Variants in INTS6L observed in about 807,000 individuals in gnomAD.
INTS6L encodes the protein integrator complex subunit 6-like.
INTS6L carries 18 observed loss-of-function variants against 64.7 expected under a neutral mutation model. The ratio of observed to expected loss-of-function variants is 0.28; its 90% CI spans 0.19 to 0.41. INTS6L has a LOEUF of 0.41. INTS6L is among the 10% of genes least tolerant of loss of function. The pLI is 1.00. For missense variants in INTS6L, 533 were observed against 661.0 expected, an observed-to-expected ratio of 0.81 and a Z score of 2.12; for synonymous variants, 227 against 235.9, an observed-to-expected ratio of 0.96 and a Z score of 0.34.
At chrX:135,529,462 CA>C (rs1160082061) in intron 2 of INTS6L, among the ~76,000 whole-genome samples, 1 of 111,837 alleles carries the variant, frequency 8.9e-6, no homozygotes, top group Non-Finnish European at 1.9e-5. Context: ...TTACTTCTGA[CA>C]GTCGTTAACT....
intron 8 of INTS6L, among the ~76,000 whole-genome samples, chrX:135,555,168 C>T (rs2086617511): frequency 9.0e-6 from 1 of 111,410 alleles, no homozygotes; most frequent in South Asian, 3.7e-4. Context: ...GGATTATAGG[C>T]GTGAGCCACC....
At position 135,579,905 on chromosome X, in the gene INTS6L, T is replaced by C; in HGVS notation, c.2237T>C (p.Met746Thr). ...CTTATAAATATGACAGGAGATCTTA[T>C]GCCACCCAACCAAGTGGATTCTCTG... ...SELINMTGDLMPPNQVDSLSD... is the reference protein window; with the variant it reads ...SELINMTGDLTPPNQVDSLSD... Residue 746 changes from methionine to threonine, a missense_variant, in exon 16 of 18, where the codon ATG (methionine) becomes ACG (threonine). Coordinates refer to ENST00000639893, the MANE Select transcript of INTS6L (RefSeq NM_001351601.3). 1 of 1,211,879 alleles carries C rather than the reference T, an allele frequency of 8.3e-7. No individual in the cohort carries two copies. The highest frequency in any genetic ancestry group is 1.1e-6 in the Non-Finnish European group (1 of 895,536).
intron 15 of INTS6L, among the ~76,000 whole-genome samples, chrX:135,579,224 A>C (rs1372228172): frequency 8.9e-6 from 1 of 112,271 alleles, no homozygotes; most frequent in Non-Finnish European, 1.9e-5. Context: ...TAAATGAAAG[A>C]GGTGTCAGAT....
At chrX:135,578,011 G>T (rs139244670) in intron 15 of INTS6L, among the ~76,000 whole-genome samples, 2 of 112,130 alleles carry the variant, frequency 1.8e-5, no homozygotes, top group Non-Finnish European at 1.9e-5. Flanking sequence ...CCATGTGTAC[G>T]TTGGGTGCTC....
At chrX:135,554,742 G>T (rs1201911854) in intron 8 of INTS6L, among the ~76,000 whole-genome samples, 1 of 110,402 alleles carries the variant, frequency 9.1e-6, no homozygotes, top group Non-Finnish European at 1.9e-5. Flanking sequence ...GCAGCTAGGG[G>T]ACCCCAGTAC....
At chrX:135,579,036 A>G (rs1288748784) in intron 15 of INTS6L, among the ~76,000 whole-genome samples, 2 of 110,547 alleles carry the variant, frequency 1.8e-5, no homozygotes, top group Non-Finnish European at 3.8e-5. Flanking sequence ...CTGTCTCCCA[A>G]AGGCCTGTAG....
intron 7 of INTS6L, 143 bp downstream of exon 7, chrX:135,549,948 T>C (rs911301711): frequency 6.2e-5 from 39 of 627,810 alleles, no homozygotes; most frequent in Non-Finnish European, 8.7e-5. Flanking sequence ...TATCTCTTAC[T>C]GGAAGTCTAG....
chrX:135,579,608 A>G (rs1345179362), intron 15 of INTS6L, among the ~76,000 whole-genome samples, 180 bp from the exon 16 acceptor site: 2 of 112,144 alleles, frequency 1.8e-5, no homozygotes, highest in African/African-American at 6.5e-5. Context: ...GCCAGAAAAT[A>G]AGAGGTGGTT....
chrX:135,527,695 A>G (rs912623962), intron 2 of INTS6L, among the ~76,000 whole-genome samples: 2 of 111,779 alleles, frequency 1.8e-5, no homozygotes, highest in Non-Finnish European at 3.8e-5. Flanking sequence ...CTTGTTGTCT[A>G]TATGCTTGTT....
At chrX:135,523,735 A>G (rs2085655772) in intron 2 of INTS6L, among the ~76,000 whole-genome samples, 1 of 112,177 alleles carries the variant, frequency 8.9e-6, no homozygotes, top group African/African-American at 3.2e-5. Flanking sequence ...AGATAGTTCT[A>G]TAGAACGGAC....
At chrX:135,530,753 T>G (rs5974536) in intron 2 of INTS6L, among the ~76,000 whole-genome samples, 12,214 of 111,391 alleles carry the variant, frequency 0.11, 1,158 homozygotes, top group African/African-American at 0.31. Context: ...AGATCATTGG[T>G]TTTTTCCCCT....
chrX:135,548,859 T>A (rs782504738), intron 6 of INTS6L, among the ~76,000 whole-genome samples: 4 of 112,395 alleles, frequency 3.6e-5, no homozygotes, highest in Admixed American at 1.9e-4. Context: ...TAAAAGTTTA[T>A]ATAACTCTGC....
At chrX:135,573,228 T>G (rs181287845) in intron 12 of INTS6L, among the ~76,000 whole-genome samples, 195 bp downstream of exon 12, 1 of 112,329 alleles carries the variant, frequency 8.9e-6, no homozygotes, top group East Asian at 2.8e-4. Context: ...GTAACGCCCA[T>G]GAAAGATAAA....
At chrX:135,568,218 A>G (rs2045738027) in intron 9 of INTS6L, among the ~76,000 whole-genome samples, 1 of 111,873 alleles carries the variant, frequency 8.9e-6, no homozygotes, top group Admixed American at 9.5e-5. Context: ...TCATGCGTAT[A>G]TAAAATGTAT....
Position 135,579,860 on chromosome X carries a change from C to A in INTS6L, c.2192C>A (p.Ser731Ter). The change falls in exon 16 of 18, where the codon TCA becomes TAA. Residue 731 changes from serine to a stop codon, truncating the protein, a stop_gained. Transcript: ENST00000639893. LOFTEE classifies it high-confidence loss of function. Reference sequence around the variant, plus strand: ...CAGATCACACCTGATGGCTTCCTGTCAAAATCTGCTCCATCAGAGCTTATA... The same window carrying A: ...CAGATCACACCTGATGGCTTCCTGTAAAAATCTGCTCCATCAGAGCTTATA... ...NGQITPDGFL[S>*]KSAPSELINM... The A allele has an allele frequency of 8.3e-7, 1 of 1,210,690 alleles. No individual in the cohort carries two copies. Among genetic ancestry groups the A allele is most frequent in the Non-Finnish European group, 1.1e-6 (1 of 894,868 alleles).
chrX:135,529,180 T>A (rs1301714032), intron 2 of INTS6L, among the ~76,000 whole-genome samples: 3 of 112,425 alleles, frequency 2.7e-5, no homozygotes, highest in African/African-American at 6.5e-5. Context: ...ACTTTCAGTG[T>A]TATTAGAAAT....
intron 9 of INTS6L, among the ~76,000 whole-genome samples, chrX:135,559,323 A>G (rs949474105): frequency 8.9e-6 from 1 of 111,911 alleles, no homozygotes; most frequent in Non-Finnish European, 1.9e-5. Flanking sequence ...AACCACTGCC[A>G]ACCACTAATC....
chrX:135,534,428 T>C (rs1238702060), intron 2 of INTS6L, among the ~76,000 whole-genome samples: 1 of 110,622 alleles, frequency 9.0e-6, no homozygotes, highest in Non-Finnish European at 1.9e-5. Flanking sequence ...TTTCTTAATA[T>C]CTTTGTTAAA....
At chrX:135,568,017 T>TA (rs2086997052) in intron 9 of INTS6L, among the ~76,000 whole-genome samples, 1 of 111,557 alleles carries the variant, frequency 9.0e-6, no homozygotes, top group East Asian at 2.8e-4. Flanking sequence ...AGCATTTTTT[T>TA]TAAAAAAATC....
Sources: gnomAD v4.1 joint callset for allele counts (sites outside exome capture counted in the v4.1 genomes callset) on GRCh38, gnomAD v4.1.1 for gene constraint, MANE v1.5 for transcripts, NCBI Gene and HGNC (gene_info 2026-07-23, HGNC 2026-07-21) for gene names.